Variants in DCC observed in about 807,000 individuals in gnomAD.
DCC encodes DCC netrin 1 receptor, also known as netrin receptor DCC.
DCC carries 58 observed loss-of-function variants against 172.5 expected under a neutral mutation model. The ratio of observed to expected loss-of-function variants is 0.34; its 90% CI spans 0.27 to 0.42. The LOEUF (loss-of-function observed/expected upper bound fraction) is 0.42, where lower values mean the gene tolerates loss of function less well. DCC is among the 10% of genes least tolerant of loss of function. The pLI is 1.00. For missense variants in DCC, 1,740 were observed against 1,791.0 expected (o/e 0.97, Z 0.51); for synonymous variants, 709 against 644.5 (o/e 1.10, Z -1.52).
intron 1 of DCC, among the ~76,000 whole-genome samples, chr18:52,563,492 C>T (rs1009192007): frequency 1.3e-5 from 2 of 152,050 alleles, no homozygotes; most frequent in Non-Finnish European, 2.9e-5. Context: ...TTGTATGAAA[C>T]ATTCCATCTT....
At chr18:52,691,701 C>A (rs2035932098) in intron 1 of DCC, among the ~76,000 whole-genome samples, 1 of 152,078 alleles carries the variant, frequency 6.6e-6, no homozygotes, top group Admixed American at 6.6e-5. Context: ...ACTCTGTCTC[C>A]AAATAAGTTT....
chr18:52,429,350 G>A (rs966858584), intron 1 of DCC, among the ~76,000 whole-genome samples: 1 of 152,044 alleles, frequency 6.6e-6, no homozygotes, highest in Admixed American at 6.6e-5. Flanking sequence ...GCATGTGTGA[G>A]TGTCTTTCTG....
At chr18:53,109,566 T>TTCCC (rs577731790) in intron 7 of DCC, among the ~76,000 whole-genome samples, 125 of 150,430 alleles carry the variant, frequency 8.3e-4, no homozygotes, top group Middle Eastern at 3.4e-3. Context: ...CCTTCATTCC[T>TTCCC]TCCCTCCCTC....
chr18:52,662,803 G>T (rs566320375), intron 1 of DCC, among the ~76,000 whole-genome samples: 4 of 152,136 alleles, frequency 2.6e-5, no homozygotes, highest in South Asian at 2.1e-4. Flanking sequence ...GTTTCTAGAG[G>T]CTGGGAAGTT....
At chr18:52,609,788 A>T (rs2034210611) in intron 1 of DCC, among the ~76,000 whole-genome samples, 1 of 151,992 alleles carries the variant, frequency 6.6e-6, no homozygotes, top group Admixed American at 6.6e-5. Flanking sequence ...TAGGATAAAA[A>T]ATGCTAGAAG....
At chr18:52,739,025 C>A (rs745391889) in intron 1 of DCC, among the ~76,000 whole-genome samples, 17 of 151,974 alleles carry the variant, frequency 1.1e-4, no homozygotes, top group Non-Finnish European at 2.1e-4. Context: ...ATGTGCTAGA[C>A]TTTTATACTA....
intron 1 of DCC, among the ~76,000 whole-genome samples, chr18:52,739,835 T>C (rs922807293): frequency 1.3e-5 from 2 of 152,176 alleles, no homozygotes; most frequent in African/African-American, 2.4e-5. Flanking sequence ...ATATACATTA[T>C]AAAAACTGCT....
At chr18:53,389,217 T>TC (rs1908386852) in intron 16 of DCC, among the ~76,000 whole-genome samples, 1 of 152,198 alleles carries the variant, frequency 6.6e-6, no homozygotes, top group African/African-American at 2.4e-5. Context: ...AAATTTTTTT[T>TC]CAATTCTCTT....
At chr18:53,360,556 A>G (rs960523897) in intron 15 of DCC, among the ~76,000 whole-genome samples, 14 of 152,316 alleles carry the variant, frequency 9.2e-5, no homozygotes, top group African/African-American at 3.4e-4. Context: ...AAAAGTGGCC[A>G]TACAGTTCAT....
chr18:53,073,226 T>TAA (rs111946315), intron 7 of DCC, among the ~76,000 whole-genome samples: 2 of 150,878 alleles, frequency 1.3e-5, no homozygotes, highest in African/African-American at 4.9e-5. Flanking sequence ...GGAAGACAAA[T>TAA]AAAAAAAAAT....
chr18:53,078,383 A>G (rs2042750726), intron 7 of DCC, among the ~76,000 whole-genome samples: 1 of 152,216 alleles, frequency 6.6e-6, no homozygotes, highest in South Asian at 2.1e-4. Context: ...TACAATTCAA[A>G]GAAACATTAA....
intron 1 of DCC, among the ~76,000 whole-genome samples, chr18:52,702,544 T>G (rs1599031692): frequency 6.6e-6 from 1 of 152,164 alleles, no homozygotes; most frequent in Non-Finnish European, 1.5e-5. Flanking sequence ...TTTGCAAATG[T>G]GTAATGTTAT....
At position 53,339,969 on chromosome 18, in the gene DCC, G is replaced by C. The variant is rs193036171; in HGVS notation, c.2359+62G>C. ...AATTAATGATTTATTTTGAATTATT[G>C]TATTTCTTGGAAAACTGTTCCCTGG... On this transcript the variant is annotated intron_variant, in intron 15 of 28. Transcript: ENST00000442544. 3,299 of 1,466,280 alleles carry C rather than the reference G, an allele frequency of 2.2e-3. 6 individuals are homozygous for C. Among genetic ancestry groups the C allele is most frequent in the South Asian group, 5.0e-3 (422 of 84,162 alleles). The allele number at this position is 1,466,280 out of a possible 1,614,324, so 90.8% of individuals were successfully genotyped here. A position where few individuals can be genotyped will look rare whatever the true frequency, so the allele number is the denominator to read the frequency against.
intron 12 of DCC, among the ~76,000 whole-genome samples, chr18:53,302,780 C>T (rs1043371746): frequency 1.3e-5 from 2 of 152,064 alleles, no homozygotes; most frequent in Non-Finnish European, 1.5e-5. Context: ...GATTCATGTT[C>T]TGTTGTTTTC....
chr18:52,557,101 T>C (rs1424749067), intron 1 of DCC, among the ~76,000 whole-genome samples: 1 of 152,222 alleles, frequency 6.6e-6, no homozygotes, highest in East Asian at 1.9e-4. Context: ...TAATAATAAA[T>C]TATATGCTGT....
At chr18:52,397,908 A>AAAATGTAG (rs1986291671) in intron 1 of DCC, among the ~76,000 whole-genome samples, 1 of 151,972 alleles carries the variant, frequency 6.6e-6, no homozygotes, top group African/African-American at 2.4e-5. Context: ...TCTCATGTAA[A>AAAATGTAG]AAATGTAGGA....
chr18:53,047,212 T>C, intron 5 of DCC, among the ~76,000 whole-genome samples: 1 of 118,122 alleles, frequency 8.5e-6, no homozygotes, highest in Non-Finnish European at 1.7e-5. Context: ...AAGGCTATCC[T>C]GGTGAGCCAT....
chr18:52,840,764 A>T (rs1006262), intron 2 of DCC, among the ~76,000 whole-genome samples: 70,613 of 151,970 alleles, frequency 0.46, 16,637 homozygotes, highest in South Asian at 0.55. Context: ...TTAAACCATG[A>T]ACATCATTAA....
In DCC at chr18:53,305,650, C is replaced by A; in HGVS notation, c.1984C>A (p.His662Asn). ...ATTTATTACCGGCTATAAAATTCGA[C>A]ACAGAAAGACGACCCGCAGGGGTGA... The part of the protein sequence containing the change: ...NGFITGYKIR[H>N]RKTTRRGEME... The change falls in exon 13 of 29, where the codon CAC (histidine) becomes AAC (asparagine). Residue 662 changes from histidine (H) to asparagine (N), a missense_variant. Around this residue, in one of 2 missense-constraint regions of DCC, gnomAD observed 1,732 missense variants for 1,767.4 expected, o/e 0.98. Transcript: ENST00000442544. 6.2e-7 allele frequency: 1 copy of A among 1,614,002 alleles called. No homozygotes were observed. The highest frequency in any genetic ancestry group is 2.2e-5 in the East Asian group (1 of 44,882).
Sources: allele counts gnomAD v4.1 joint callset (sites outside exome capture counted in the v4.1 genomes callset), GRCh38; gene constraint gnomAD v4.1.1; regional missense constraint gnomAD v4.1.1; transcripts MANE v1.5; gene names NCBI Gene and HGNC (gene_info 2026-07-23, HGNC 2026-07-21).